GRM3: variants seen among roughly 807,000 people sequenced by gnomAD.
GRM3 encodes metabotropic glutamate receptor 3.
GRM3 carries 26 observed loss-of-function variants against 70.5 expected under a neutral mutation model. The ratio of observed to expected loss-of-function variants is 0.37; its 90% CI spans 0.27 to 0.51. The LOEUF is 0.51. Ranked by LOEUF, GRM3 falls within the 20% of genes least tolerant of loss-of-function variation. The probability of loss-of-function intolerance (pLI) is 0.93; values close to 1 mark genes in which losing one functional copy is unlikely to be tolerated. For missense variants in GRM3, 859 were observed against 1,123.8 expected (o/e 0.76, Z 3.37); for synonymous variants, 443 against 434.9 (o/e 1.02, Z -0.23).
chr7:86,723,075 T>TA (rs2116238613), intron 1 of GRM3, among the ~76,000 whole-genome samples: 1 of 152,248 alleles, frequency 6.6e-6, no homozygotes, highest in Admixed American at 6.5e-5. Flanking sequence ...TTGTGCCTGG[T>TA]AAAATTTGTT....
chr7:86,688,622 A>G lies in GRM3; in HGVS notation c.-141+43750A>G, dbSNP rs1794620992. On this transcript the variant is annotated intron_variant, in intron 1 of 5. Transcript: ENST00000361669. ...CAGAAGTTTAGAATGACATTAACCA[A>G]ACTGACCTAATTTGGCTTATAGAAC... is the stretch of plus-strand genomic sequence containing the variant. Among the ~76,000 whole-genome samples, 7 of 151,186 alleles carry G rather than the reference A, an allele frequency of 4.6e-5. No individual in the cohort carries two copies. The South Asian group carries it at 1.4e-3, about 31-fold the overall frequency.
chr7:86,667,568 G>T (rs76259509), intron 1 of GRM3, among the ~76,000 whole-genome samples: 2,275 of 152,158 alleles, frequency 0.015, 29 homozygotes, highest in Non-Finnish European at 0.021. Flanking sequence ...AAGAATGGGG[G>T]TTCACACTGC....
chr7:86,793,327 G>A (rs908852004), intron 3 of GRM3, among the ~76,000 whole-genome samples: 1 of 152,146 alleles, frequency 6.6e-6, no homozygotes, highest in Non-Finnish European at 1.5e-5. Flanking sequence ...ACCCAGCAAG[G>A]CTCTCCTCTT....
chr7:86,773,059 T>C (rs530799516), intron 2 of GRM3, among the ~76,000 whole-genome samples: 25 of 152,004 alleles, frequency 1.6e-4, no homozygotes, highest in Non-Finnish European at 3.1e-4. Flanking sequence ...AGGTATATTG[T>C]GTGTTGCTGA....
chr7:86,827,138 G>T (rs995765458), intron 3 of GRM3, among the ~76,000 whole-genome samples: 1 of 152,056 alleles, frequency 6.6e-6, no homozygotes, highest in Non-Finnish European at 1.5e-5. Context: ...AAGGTCAAAC[G>T]CACAATACAC....
intron 1 of GRM3, among the ~76,000 whole-genome samples, chr7:86,663,037 A>C (rs1438083776): frequency 1.3e-5 from 2 of 151,858 alleles, no homozygotes; most frequent in Admixed American, 1.3e-4. Context: ...TGAATATGAA[A>C]CTTTTTTTGC....
chr7:86,804,393 A>G (rs142810463), intron 3 of GRM3, among the ~76,000 whole-genome samples: 1 of 152,272 alleles, frequency 6.6e-6, no homozygotes, highest in Non-Finnish European at 1.5e-5. Flanking sequence ...TATTAATAGA[A>G]TTATCAGATA....
At chr7:86,783,676 C>T (rs564055591) in intron 2 of GRM3, among the ~76,000 whole-genome samples, 3 of 152,196 alleles carry the variant, frequency 2.0e-5, no homozygotes. Flanking sequence ...TAATCTATTG[C>T]CTCCCATGGT....
chr7:86,846,028 T>A (rs1428811968), intron 4 of GRM3, among the ~76,000 whole-genome samples: 1 of 151,798 alleles, frequency 6.6e-6, no homozygotes, highest in Non-Finnish European at 1.5e-5. Flanking sequence ...TAATATCTCT[T>A]AGGGTCTTGC....
intron 1 of GRM3, among the ~76,000 whole-genome samples, chr7:86,764,363 G>C (rs1440476597): frequency 6.6e-6 from 1 of 152,124 alleles, no homozygotes; most frequent in Non-Finnish European, 1.5e-5. Flanking sequence ...AGTAAAATGA[G>C]AACTACAGTG....
intron 4 of GRM3, among the ~76,000 whole-genome samples, chr7:86,845,961 G>C (rs974993375): frequency 1.2e-4 from 18 of 152,130 alleles, no homozygotes; most frequent in African/African-American, 4.1e-4. Flanking sequence ...CACACACCAA[G>C]TGTGTTTTGC....
chr7:86,846,954 A>G (rs1562881339), intron 4 of GRM3, among the ~76,000 whole-genome samples: 1 of 152,154 alleles, frequency 6.6e-6, no homozygotes, highest in Non-Finnish European at 1.5e-5. Context: ...GCTAGCAAAA[A>G]CCTTTATGAC....
At position 86,655,851 on chromosome 7, in the gene GRM3, TGGGTGG is replaced by T. The variant is rs1446360445; in HGVS notation, c.-141+10981_-141+10986del. Among the ~76,000 whole-genome samples, 330 of 139,836 alleles carry T rather than the reference TGGGTGG, an allele frequency of 2.4e-3. 5 individuals carry two copies. Among genetic ancestry groups the T allele is most frequent in the African/African-American group, 8.8e-3 (294 of 33,498 alleles). The allele number at this position is 139,836 out of a possible 152,430, so 91.7% of individuals were successfully genotyped here. A position where few individuals can be genotyped will look rare whatever the true frequency, so the allele number is the denominator to read the frequency against. On this transcript the variant is annotated intron_variant, in intron 1 of 5. Transcript: ENST00000361669. ...GTGTGTGTGTGTGTGTGTGTGTGTG[TGGGTGG>T]GTGGGTGTGTGTGTATGTGTGTTTA...
At chr7:86,826,437 A>AG (rs1417683362) in intron 3 of GRM3, among the ~76,000 whole-genome samples, 1 of 152,166 alleles carries the variant, frequency 6.6e-6, no homozygotes. Flanking sequence ...AGGGGAGAAA[A>AG]GGAGACTGTG....
chr7:86,847,504 T>C (rs1798676699), intron 4 of GRM3, among the ~76,000 whole-genome samples: 1 of 152,108 alleles, frequency 6.6e-6, no homozygotes, highest in African/African-American at 2.4e-5. Flanking sequence ...ACAGTATAGG[T>C]CAAAACCAGT....
intron 1 of GRM3, among the ~76,000 whole-genome samples, chr7:86,682,979 G>GC (rs1177166433): frequency 2.6e-5 from 4 of 152,136 alleles, no homozygotes; most frequent in Non-Finnish European, 5.9e-5. Flanking sequence ...AGAATTAAGA[G>GC]CCAAGATATT....
intron 1 of GRM3, among the ~76,000 whole-genome samples, chr7:86,658,116 A>G (rs1029244175): frequency 6.6e-6 from 1 of 152,230 alleles, no homozygotes; most frequent in Non-Finnish European, 1.5e-5. Context: ...TTAAGCCAAC[A>G]TAGTCTCTCT....
chr7:86,719,104 G>T (rs1795391092), intron 1 of GRM3, among the ~76,000 whole-genome samples: 2 of 151,792 alleles, frequency 1.3e-5, no homozygotes, highest in Admixed American at 6.6e-5. Context: ...TATAAAGAAG[G>T]TTCTGATCCA....
At chr7:86,691,710 T>C (rs1468698987) in intron 1 of GRM3, among the ~76,000 whole-genome samples, 1 of 152,176 alleles carries the variant, frequency 6.6e-6, no homozygotes, top group Non-Finnish European at 1.5e-5. Flanking sequence ...GTGGGTTCCT[T>C]ATGAAAGTAT....
Sources: allele counts gnomAD v4.1 joint callset (sites outside exome capture counted in the v4.1 genomes callset), GRCh38; gene constraint gnomAD v4.1.1; transcripts MANE v1.5; gene names NCBI Gene and HGNC (gene_info 2026-07-23, HGNC 2026-07-21).